ROBO1: variants seen among roughly 807,000 people sequenced by gnomAD.
ROBO1 encodes roundabout guidance receptor 1.
Under a neutral mutation model 195.9 loss-of-function variants are expected in ROBO1, and 149 were observed. The ratio of observed to expected loss-of-function variants is 0.76; its 90% CI spans 0.67 to 0.87. ROBO1 has a LOEUF of 0.87. Among genes scored for constraint, ROBO1 ranks in the 40% least tolerant of loss-of-function variants. The pLI is 0.00. For missense variants in ROBO1, 1,933 were observed against 2,068.3 expected (o/e 0.93, Z 1.27); for synonymous variants, 816 against 733.2 (o/e 1.11, Z -1.82).
At chr3:79,744,502 G>A (rs773131673) in intron 1 of ROBO1, among the ~76,000 whole-genome samples, 1 of 152,024 alleles carries the variant, frequency 6.6e-6, no homozygotes, top group Non-Finnish European at 1.5e-5. Flanking sequence ...CTCTTGAATG[G>A]GTATAGCGAC....
intron 1 of ROBO1, among the ~76,000 whole-genome samples, chr3:79,689,948 T>G (rs1206917513): frequency 1.3e-5 from 2 of 151,988 alleles, no homozygotes; most frequent in Non-Finnish European, 1.5e-5. Context: ...CTTATAAAAT[T>G]GTTTTCTTCA....
At chr3:78,998,833 C>T (rs891027625) in intron 3 of ROBO1, among the ~76,000 whole-genome samples, 1 of 152,064 alleles carries the variant, frequency 6.6e-6, no homozygotes, top group African/African-American at 2.4e-5. Flanking sequence ...CTGTCCCACC[C>T]TATTTTGGAT....
intron 2 of ROBO1, among the ~76,000 whole-genome samples, chr3:79,544,621 GA>G (rs1295825477): frequency 6.6e-6 from 1 of 151,924 alleles, no homozygotes; most frequent in Non-Finnish European, 1.5e-5. Context: ...ATATTGGGTA[GA>G]AATGATAGGA....
At position 78,913,191 on chromosome 3, in the gene ROBO1, A is replaced by G. The variant is rs189523239; in HGVS notation, c.499+25410T>C. Among the ~76,000 whole-genome samples the G allele has an allele frequency of 5.3e-5, 8 of 152,288 alleles. No homozygotes were observed. The East Asian group carries it at 1.3e-3, about 26-fold the overall frequency. ...TGGAGTAGAAATGTGCATCATATTC[A>G]AATGAATTTATATACTTGGCCAGCC... On this transcript the variant is annotated intron_variant, in intron 4 of 30. Coordinates refer to ENST00000464233, the MANE Select transcript of ROBO1 (RefSeq NM_002941.4).
chr3:79,189,017 G>A (rs996318093), intron 2 of ROBO1, among the ~76,000 whole-genome samples: 21 of 151,658 alleles, frequency 1.4e-4, no homozygotes, highest in Non-Finnish European at 2.4e-4. Context: ...GTGCAACACC[G>A]TATATCTAGT....
At chr3:79,686,332 A>G (rs1200829965) in intron 1 of ROBO1, among the ~76,000 whole-genome samples, 1 of 152,172 alleles carries the variant, frequency 6.6e-6, no homozygotes, top group Non-Finnish European at 1.5e-5. Context: ...GCCCTCTCTC[A>G]CCACTCCTAT....
chr3:79,573,741 A>C (rs532653396), intron 2 of ROBO1, among the ~76,000 whole-genome samples: 1 of 152,274 alleles, frequency 6.6e-6, no homozygotes, highest in East Asian at 1.9e-4. Flanking sequence ...CCACCTCCAA[A>C]CAATCTGCTG....
intron 2 of ROBO1, among the ~76,000 whole-genome samples, chr3:79,422,235 G>A (rs907244468): frequency 1.3e-5 from 2 of 148,654 alleles, no homozygotes; most frequent in African/African-American, 2.5e-5. Context: ...ATTATATATT[G>A]TAAATACGTA....
chr3:79,359,307 A>T (rs1043481857), intron 2 of ROBO1, among the ~76,000 whole-genome samples: 1 of 152,046 alleles, frequency 6.6e-6, no homozygotes, highest in Non-Finnish European at 1.5e-5. Flanking sequence ...AAAGTGAAAA[A>T]AAAAGCCTTT....
chr3:79,021,190 G>A (rs1367341093), intron 3 of ROBO1, among the ~76,000 whole-genome samples: 3 of 152,140 alleles, frequency 2.0e-5, no homozygotes, highest in Non-Finnish European at 2.9e-5. Flanking sequence ...GTAAAAATAT[G>A]AATGGGCAGT....
chr3:79,047,066 A>G (rs1177584642), intron 3 of ROBO1, among the ~76,000 whole-genome samples: 2 of 152,132 alleles, frequency 1.3e-5, no homozygotes, highest in South Asian at 4.1e-4. Flanking sequence ...AATGGTGAGT[A>G]TAATGGAAGA....
chr3:79,178,483 A>T (rs982480050), intron 2 of ROBO1, among the ~76,000 whole-genome samples: 2 of 152,172 alleles, frequency 1.3e-5, no homozygotes, highest in Non-Finnish European at 2.9e-5. Flanking sequence ...AAAAACACAC[A>T]CTGGTGAAAG....
At chr3:78,860,074 G>A (rs1290936053) in intron 4 of ROBO1, among the ~76,000 whole-genome samples, 29 of 144,198 alleles carry the variant, frequency 2.0e-4, no homozygotes, top group Admixed American at 1.2e-3. Context: ...GCGAGACTTC[G>A]TCTCAAAAAA....
At chr3:79,563,779 G>A (rs558360688) in intron 2 of ROBO1, among the ~76,000 whole-genome samples, 17 of 151,834 alleles carry the variant, frequency 1.1e-4, no homozygotes, top group Non-Finnish European at 2.1e-4. Flanking sequence ...AAAGATGTGA[G>A]GTAAATCTAT....
At chr3:79,299,155 C>A (rs1022368126) in intron 2 of ROBO1, among the ~76,000 whole-genome samples, 1 of 152,068 alleles carries the variant, frequency 6.6e-6, no homozygotes, top group African/African-American at 2.4e-5. Context: ...TTCTTTTTAT[C>A]ATGAAAAATG....
chr3:79,420,392 T>G (rs2038177082), intron 2 of ROBO1, among the ~76,000 whole-genome samples: 1 of 152,188 alleles, frequency 6.6e-6, no homozygotes, highest in African/African-American at 2.4e-5. Context: ...AAGTCTTCCA[T>G]ATCAAATTTA....
At chr3:78,939,489 A>G (rs1271551720) in intron 3 of ROBO1, among the ~76,000 whole-genome samples, 2 of 150,210 alleles carry the variant, frequency 1.3e-5, no homozygotes, top group Non-Finnish European at 3.0e-5. Context: ...GTGGTGGCGG[A>G]CACCTGAAGT....
rs527964450 is a variant in ROBO1, at chr3:78,792,306, T to C, written c.500-45406A>G. Among the ~76,000 whole-genome samples the C allele has an allele frequency of 3.9e-5, 6 of 152,322 alleles. No homozygotes were observed. The South Asian group carries it at 1.2e-3, about 32-fold the overall frequency. ...CACAATAGCTTTGTAGACTTTAATT[T>C]TGATCTGGAATGTGCTTCTTTGTTT... is the stretch of plus-strand genomic sequence containing the variant. On this transcript the variant is annotated intron_variant, in intron 4 of 30. Coordinates refer to ENST00000464233, the MANE Select transcript of ROBO1 (RefSeq NM_002941.4).
At chr3:79,327,271 A>G (rs949574251) in intron 2 of ROBO1, among the ~76,000 whole-genome samples, 5 of 152,002 alleles carry the variant, frequency 3.3e-5, no homozygotes, top group African/African-American at 7.2e-5. Flanking sequence ...GTCATTATTA[A>G]ATATAAAATG....
Sources: allele counts gnomAD v4.1 joint callset (sites outside exome capture counted in the v4.1 genomes callset), GRCh38; gene constraint gnomAD v4.1.1; transcripts MANE v1.5; gene names NCBI Gene and HGNC (gene_info 2026-07-23, HGNC 2026-07-21).